SLIT2: variants seen among roughly 807,000 people sequenced by gnomAD.
SLIT2 encodes slit guidance ligand 2.
SLIT2 carries 41 observed loss-of-function variants against 185.7 expected under a neutral mutation model. The ratio of observed to expected loss-of-function variants is 0.22; its 90% CI spans 0.17 to 0.29. The LOEUF (loss-of-function observed/expected upper bound fraction) is 0.29, where lower values mean the gene tolerates loss of function less well. Among genes scored for constraint, SLIT2 ranks in the 10% least tolerant of loss-of-function variants. SLIT2 has a pLI of 1.00. For missense variants in SLIT2, 1,571 were observed against 1,909.0 expected (o/e 0.82, Z 3.30); for synonymous variants, 693 against 680.2 (o/e 1.02, Z -0.29).
At chr4:20,501,531 G>C (rs1577796772) in intron 9 of SLIT2, among the ~76,000 whole-genome samples, 1 of 152,008 alleles carries the variant, frequency 6.6e-6, no homozygotes, top group Admixed American at 6.6e-5. Flanking sequence ...TGATCTGCCT[G>C]CCTCGGCCTC....
intron 29 of SLIT2, among the ~76,000 whole-genome samples, chr4:20,574,205 C>G (rs910241473): frequency 4.6e-5 from 7 of 151,936 alleles, no homozygotes; most frequent in Admixed American, 1.3e-4. Context: ...TCACCCGCCT[C>G]AATCTCCCCA....
rs3215198 is a variant in SLIT2, at chr4:20,532,077, A to AT, written c.1688+27dup. The AT allele has an allele frequency of 0.32, 424,946 of 1,320,282 alleles. 67,206 individuals are homozygous for AT. The highest frequency in any genetic ancestry group is 0.43 in the Middle Eastern group (2,227 of 5,180). 81.8% of individuals were successfully genotyped at this position (1,320,282 alleles called of 1,614,324 possible). ...GTAAAATGTAAGTCACTTGTTAGCT[A>AT]TTTTTTTTATTTCTGTAGCATTTTT... On this transcript the variant is annotated intron_variant, in intron 17 of 36. Coordinates refer to ENST00000504154, the MANE Select transcript of SLIT2 (RefSeq NM_004787.4).
chr4:20,264,127 A>T (rs1281697424), intron 3 of SLIT2, among the ~76,000 whole-genome samples: 1 of 151,966 alleles, frequency 6.6e-6, no homozygotes, highest in Non-Finnish European at 1.5e-5. Context: ...AGCAAGGAAT[A>T]CAAGGGATTA....
At chr4:20,394,205 C>A (rs1301950577) in intron 4 of SLIT2, among the ~76,000 whole-genome samples, 2 of 151,102 alleles carry the variant, frequency 1.3e-5, no homozygotes, top group South Asian at 2.1e-4. Flanking sequence ...GAAAAAAAAA[C>A]ATGAAAAAGG....
Position 20,253,648 on chromosome 4 carries a change from C to G in SLIT2, c.-168C>G, listed in dbSNP as rs914538718. 2.5e-5 allele frequency: 17 copies of G among 684,960 alleles called. No homozygotes were observed. Among genetic ancestry groups the G allele is most frequent in the Non-Finnish European group, 3.7e-5 (16 of 428,218 alleles). 42.4% of individuals were successfully genotyped at this position (684,960 alleles called of 1,614,324 possible). On this transcript the variant is annotated 5_prime_UTR_variant, in exon 1 of 37. Transcript: ENST00000504154. ...GGAGAGGGCGGTGGGAGGCGTGTGC[C>G]TGAGTGGGCTCTACTGCCTTGTTCC...
At chr4:20,479,411 T>A (rs1716463264) in intron 5 of SLIT2, among the ~76,000 whole-genome samples, 1 of 152,164 alleles carries the variant, frequency 6.6e-6, no homozygotes, top group Admixed American at 6.5e-5. Context: ...TTTCAGTGAA[T>A]GCTGAACTTG....
At chr4:20,586,042 A>G (rs575929653) in intron 29 of SLIT2, among the ~76,000 whole-genome samples, 1 of 152,328 alleles carries the variant, frequency 6.6e-6, no homozygotes, top group Non-Finnish European at 1.5e-5. Flanking sequence ...TTACTGGTTG[A>G]GAAGTAGACA....
chr4:20,529,703 G>A (rs1288623691), intron 16 of SLIT2, among the ~76,000 whole-genome samples: 1 of 152,132 alleles, frequency 6.6e-6, no homozygotes, highest in Non-Finnish European at 1.5e-5. Context: ...GGTGTTTGTT[G>A]GAGCACTTAC....
At chr4:20,585,879 A>G (rs539131032) in intron 29 of SLIT2, among the ~76,000 whole-genome samples, 5 of 152,194 alleles carry the variant, frequency 3.3e-5, no homozygotes, top group African/African-American at 1.2e-4. Flanking sequence ...AATAAAAACC[A>G]AGTAAAAATG....
intron 3 of SLIT2, among the ~76,000 whole-genome samples, chr4:20,261,233 A>C (rs1469139759): frequency 2.6e-5 from 4 of 151,774 alleles, no homozygotes; most frequent in African/African-American, 9.7e-5. Context: ...TTGTTTAATC[A>C]AAAAAATTTT....
At chr4:20,549,279 T>G in intron 24 of SLIT2, 151 bp downstream of exon 24, 1 of 562,768 alleles carries the variant, frequency 1.8e-6, no homozygotes, top group South Asian at 2.4e-5. Flanking sequence ...AAAAATCATT[T>G]CTTACAGTAT....
At chr4:20,597,298 C>A (rs1295646664) in intron 32 of SLIT2, among the ~76,000 whole-genome samples, 5 of 152,042 alleles carry the variant, frequency 3.3e-5, no homozygotes, top group African/African-American at 9.7e-5. Flanking sequence ...GAACTCCTAA[C>A]CTCATGTGAT....
intron 5 of SLIT2, among the ~76,000 whole-genome samples, chr4:20,472,455 TATATC>T (rs1357262486): frequency 1.6e-5 from 1 of 60,628 alleles, no homozygotes; most frequent in East Asian, 5.8e-4. Flanking sequence ...TCTATATAGA[TATATC>T]TATATCTATA....
intron 16 of SLIT2, among the ~76,000 whole-genome samples, 192 bp from the exon 17 acceptor site, chr4:20,531,792 T>G (rs1379368941): frequency 6.6e-6 from 1 of 151,956 alleles, no homozygotes; most frequent in Non-Finnish European, 1.5e-5. Flanking sequence ...CCTAACATTT[T>G]ATTTTGATGA....
chr4:20,463,535 GTGTGTGTGTGTA>G (rs1375309687), intron 4 of SLIT2, among the ~76,000 whole-genome samples: 4 of 143,520 alleles, frequency 2.8e-5, no homozygotes, highest in Non-Finnish European at 4.5e-5. Context: ...GTGTGTGTGT[GTGTGTGTGTGTA>G]TATGTATATC....
chr4:20,325,414 G>A (rs1719485655), intron 4 of SLIT2, among the ~76,000 whole-genome samples: 1 of 111,638 alleles, frequency 9.0e-6, no homozygotes, highest in Non-Finnish European at 1.7e-5. Flanking sequence ...CAGGGGTAGG[G>A]TGGGGGTGGG....
chr4:20,571,788 C>T (rs1423507739), intron 29 of SLIT2, among the ~76,000 whole-genome samples: 5 of 151,986 alleles, frequency 3.3e-5, no homozygotes, highest in East Asian at 3.9e-4. Context: ...TTCTATATCC[C>T]GAAAGCATAC....
At chr4:20,472,270 A>ATC (rs1560452620) in intron 5 of SLIT2, among the ~76,000 whole-genome samples, 3 of 35,490 alleles carry the variant, frequency 8.5e-5, no homozygotes, top group Admixed American at 5.4e-4. Context: ...ATATATAGAT[A>ATC]TATATCTATA....
intron 4 of SLIT2, among the ~76,000 whole-genome samples, chr4:20,281,924 C>T (rs911966364): frequency 2.0e-5 from 3 of 152,134 alleles, no homozygotes; most frequent in East Asian, 1.9e-4. Flanking sequence ...TTTCGTCTAA[C>T]GAGGTTGGAA....
Sources: gnomAD v4.1 joint callset for allele counts (sites outside exome capture counted in the v4.1 genomes callset) on GRCh38, gnomAD v4.1.1 for gene constraint, MANE v1.5 for transcripts, NCBI Gene and HGNC (gene_info 2026-07-23, HGNC 2026-07-21) for gene names.